The following MTA3 variants were observed in gnomAD, a reference collection of about 807,000 sequenced individuals.
MTA3 encodes the protein metastasis associated 1 family member 3, also known as metastasis-associated protein MTA3.
MTA3 carries 34 observed loss-of-function variants against 83.5 expected under a neutral mutation model. The observed-to-expected ratio is 0.41, with a 90% CI of 0.31 to 0.54. The LOEUF (loss-of-function observed/expected upper bound fraction) is 0.54. MTA3 is among the 20% of genes least tolerant of loss of function. MTA3 has a pLI of 0.33. For synonymous variants in MTA3, 303 were observed against 252.7 expected (o/e 1.20, Z -1.89); for missense variants, 761 against 726.4 (o/e 1.05, Z -0.55).
intron 8 of MTA3, among the ~76,000 whole-genome samples, chr2:42,668,683 C>T (rs777673343): frequency 2.0e-5 from 3 of 151,938 alleles, no homozygotes; most frequent in Non-Finnish European, 4.4e-5. Context: ...TTTGTCATGC[C>T]GTGTTTATTA....
At chr2:42,611,628 C>G (rs990898359) in intron 4 of MTA3, among the ~76,000 whole-genome samples, 2 of 152,024 alleles carry the variant, frequency 1.3e-5, no homozygotes, top group Admixed American at 1.3e-4. Flanking sequence ...CCAGCCTGGT[C>G]AGTAGAGCAA....
intron 2 of MTA3, among the ~76,000 whole-genome samples, chr2:42,535,533 C>T (rs1224223229): frequency 6.6e-6 from 1 of 152,168 alleles, no homozygotes; most frequent in Non-Finnish European, 1.5e-5. Context: ...AACTCCCTTC[C>T]TTCCTTTTAA....
chr2:42,752,759 A>G (rs1187229139), intron 16 of MTA3, among the ~76,000 whole-genome samples: 2 of 152,112 alleles, frequency 1.3e-5, no homozygotes, highest in African/African-American at 2.4e-5. Context: ...GAAAAGTTCC[A>G]TGAGTCTCTT....
chr2:42,508,434 C>T (rs866276898), intron 2 of MTA3, among the ~76,000 whole-genome samples: 2 of 152,016 alleles, frequency 1.3e-5, no homozygotes, highest in Non-Finnish European at 2.9e-5. Context: ...TGGGCTCAAG[C>T]GATCCTCCCA....
intron 16 of MTA3, among the ~76,000 whole-genome samples, chr2:42,753,071 A>T (rs1293842759): frequency 6.6e-6 from 1 of 152,136 alleles, no homozygotes; most frequent in East Asian, 1.9e-4. Flanking sequence ...GACTACAGGC[A>T]TGCACCACCA....
chr2:42,546,883 A>C (rs1413764159), intron 2 of MTA3, among the ~76,000 whole-genome samples: 1 of 152,204 alleles, frequency 6.6e-6, no homozygotes, highest in Non-Finnish European at 1.5e-5. Context: ...TGGGACATGC[A>C]GGCAAATAAC....
intron 16 of MTA3, 76 bp from the exon 17 acceptor site, chr2:42,753,298 G>A: frequency 2.6e-6 from 4 of 1,547,208 alleles, no homozygotes; most frequent in South Asian, 2.4e-5. Context: ...TGGGAGGGGT[G>A]AGTCCATCCT....
intron 12 of MTA3, among the ~76,000 whole-genome samples, chr2:42,707,136 T>C (rs1666166427): frequency 6.6e-6 from 1 of 152,134 alleles, no homozygotes; most frequent in Non-Finnish European, 1.5e-5. Flanking sequence ...GGCTGACAGA[T>C]ACCTGTTTTT....
intron 8 of MTA3, among the ~76,000 whole-genome samples, chr2:42,681,746 A>G (rs1301738510): frequency 6.6e-6 from 1 of 151,986 alleles, no homozygotes; most frequent in African/African-American, 2.4e-5. Flanking sequence ...CCTGGGCTCA[A>G]GTGTTCCTCC....
Position 42,595,140 on chromosome 2 carries a change from C to T in MTA3, c.191-14318C>T, listed in dbSNP as rs545676748. 9.8e-4 allele frequency among the ~76,000 whole-genome samples: 110 copies of T among 112,306 alleles called. 1 individual carries two copies. Among genetic ancestry groups the T allele is most frequent in the African/African-American group, 3.4e-3 (93 of 27,692 alleles). The allele number at this position is 112,306 out of a possible 152,430, so 73.7% of individuals were successfully genotyped here. ...TTTTTTTTTTTTTGAGACAGAGTCC[C>T]GCTCTGTCACCCAGGCTGGAGTCCA... On this transcript the variant is annotated intron_variant, in intron 3 of 16. Coordinates refer to ENST00000405094, the MANE Select transcript of MTA3 (RefSeq NM_001330442.2).
intron 9 of MTA3, among the ~76,000 whole-genome samples, chr2:42,683,544 T>A (rs1480868220): frequency 6.6e-6 from 1 of 152,186 alleles, no homozygotes; most frequent in African/African-American, 2.4e-5. Flanking sequence ...TACATTGTCA[T>A]ATATAATAAT....
At chr2:42,658,102 A>G (rs1271198252) in intron 7 of MTA3, among the ~76,000 whole-genome samples, 3 of 117,768 alleles carry the variant, frequency 2.5e-5, no homozygotes, top group East Asian at 2.5e-4. Context: ...AAAAAAAAAG[A>G]TCTTCTAAAT....
At chr2:42,594,694 A>G (rs1681486461) in intron 3 of MTA3, among the ~76,000 whole-genome samples, 1 of 92,810 alleles carries the variant, frequency 1.1e-5, no homozygotes, top group South Asian at 4.6e-4. Context: ...ATATATACAT[A>G]TATAAATATA....
At chr2:42,667,588 G>GTGTGTT (rs1690366210) in intron 8 of MTA3, among the ~76,000 whole-genome samples, 1 of 130,142 alleles carries the variant, frequency 7.7e-6, no homozygotes, top group African/African-American at 3.0e-5. Flanking sequence ...GTGTGTGTGT[G>GTGTGTT]TGTGTGTGTG....
chr2:42,517,279 A>G (rs1416935826), intron 2 of MTA3, among the ~76,000 whole-genome samples: 2 of 148,040 alleles, frequency 1.4e-5, no homozygotes, highest in Admixed American at 6.7e-5. Context: ...AAAATAAATA[A>G]TAAATAATTA....
intron 2 of MTA3, among the ~76,000 whole-genome samples, chr2:42,562,559 G>A (rs1572987476): frequency 6.6e-6 from 1 of 152,082 alleles, no homozygotes; most frequent in African/African-American, 2.4e-5. Context: ...TTGGTTTCCC[G>A]GTCTGCCTTG....
intron 16 of MTA3, among the ~76,000 whole-genome samples, chr2:42,727,409 C>T (rs534301020): frequency 9.9e-5 from 15 of 152,180 alleles, no homozygotes; most frequent in Non-Finnish European, 2.1e-4. Flanking sequence ...CCCATCTCCT[C>T]CACTGTGGAC....
chr2:42,512,021 A>AACAT (rs1674927359), intron 2 of MTA3, among the ~76,000 whole-genome samples: 1 of 151,796 alleles, frequency 6.6e-6, no homozygotes, highest in East Asian at 1.9e-4. Context: ...CATCTCAAAA[A>AACAT]AAATAAATAA....
At chr2:42,588,441 T>C (rs1456205398) in intron 3 of MTA3, among the ~76,000 whole-genome samples, 1 of 152,188 alleles carries the variant, frequency 6.6e-6, no homozygotes, top group East Asian at 1.9e-4. Flanking sequence ...TTCTCAACTG[T>C]GTTTGAAAAA....
Sources: gnomAD v4.1 joint callset for allele counts (sites outside exome capture counted in the v4.1 genomes callset) on GRCh38, gnomAD v4.1.1 for gene constraint, MANE v1.5 for transcripts, NCBI Gene and HGNC (gene_info 2026-07-23, HGNC 2026-07-21) for gene names.